CPXM2: variants seen among roughly 807,000 people sequenced by gnomAD.
CPXM2 encodes the protein carboxypeptidase X, M14 family member 2.
CPXM2 carries 66 observed loss-of-function variants against 86.1 expected under a neutral mutation model. That is an observed-to-expected ratio of 0.77 (90% CI 0.63 to 0.94). The LOEUF (loss-of-function observed/expected upper bound fraction) is 0.94. Among genes scored for constraint, CPXM2 ranks in the 40% least tolerant of loss-of-function variants. The pLI, the probability that CPXM2 is intolerant of heterozygous loss-of-function variation, is 0.00. For synonymous variants in CPXM2, 388 were observed against 400.2 expected (o/e 0.97, Z 0.36); for missense variants, 948 against 1,026.3 (o/e 0.92, Z 1.04).
chr10:123,938,511 G>A (rs1945744278), intron 2 of CPXM2, among the ~76,000 whole-genome samples: 1 of 152,160 alleles, frequency 6.6e-6, no homozygotes, highest in Admixed American at 6.5e-5. Context: ...TACTAGGAAG[G>A]GAACAATTTT....
intron 2 of CPXM2, among the ~76,000 whole-genome samples, chr10:123,907,756 C>T (rs983409946): frequency 3.7e-5 from 5 of 134,336 alleles, no homozygotes; most frequent in Non-Finnish European, 8.2e-5. Context: ...AGGGACTGGA[C>T]CCCGCAAGGC....
chr10:123,755,699 C>T (rs906975464), intron 12 of CPXM2, among the ~76,000 whole-genome samples: 5 of 152,184 alleles, frequency 3.3e-5, no homozygotes, highest in South Asian at 2.1e-4. Context: ...TTGTGTCATG[C>T]GATGCACTCA....
At chr10:123,887,095 T>G (rs1444639179) in intron 1 of CPXM2, 3 of 152,162 alleles carry the variant, frequency 2.0e-5, no homozygotes, top group Non-Finnish European at 4.4e-5. Flanking sequence ...TAAATGGAAT[T>G]AGAGAGCAGA....
intron 3 of CPXM2, among the ~76,000 whole-genome samples, chr10:123,847,859 T>C (rs1455555548): frequency 1.3e-5 from 2 of 152,190 alleles, no homozygotes; most frequent in East Asian, 3.9e-4. Flanking sequence ...AATATCAAAA[T>C]CATTCTGCGG....
At chr10:123,749,366 A>T (rs1719346241) in intron 13 of CPXM2, among the ~76,000 whole-genome samples, 2 of 152,194 alleles carry the variant, frequency 1.3e-5, no homozygotes, top group African/African-American at 4.8e-5. Context: ...GGTTATCAGC[A>T]TAACTGGCTC....
intron 10 of CPXM2, 66 bp downstream of exon 10, chr10:123,766,907 G>T: frequency 7.7e-7 from 1 of 1,293,150 alleles, no homozygotes; most frequent in Non-Finnish European, 1.1e-6. Context: ...GCTATCCTCT[G>T]CAAATACCAA....
At chr10:123,893,129 G>A (rs1205350673), upstream of CPXM2, among the ~76,000 whole-genome samples, 1 of 152,228 alleles carries the variant, frequency 6.6e-6, no homozygotes, top group African/African-American at 2.4e-5. Context: ...GCCAGGTTCC[G>A]TAACTATCTC....
At chr10:123,785,089 C>G (rs923710485) in intron 6 of CPXM2, among the ~76,000 whole-genome samples, 3 of 152,120 alleles carry the variant, frequency 2.0e-5, no homozygotes, top group Non-Finnish European at 4.4e-5. Context: ...ATGCTCAGGC[C>G]CACCCCCACC....
chr10:123,900,186 A>G (rs1173142020), intron 2 of CPXM2, among the ~76,000 whole-genome samples: 1 of 152,128 alleles, frequency 6.6e-6, no homozygotes, highest in African/African-American at 2.4e-5. Flanking sequence ...GGATTACAGG[A>G]ACCTGCCACC....
At chr10:123,857,635 T>TGGAGAC (rs1564800664) in intron 3 of CPXM2, among the ~76,000 whole-genome samples, 29 of 90,628 alleles carry the variant, frequency 3.2e-4, no homozygotes, top group Admixed American at 5.0e-4. Flanking sequence ...GGCGTGGAGA[T>TGGAGAC]GGAAGGCGGC....
chr10:123,919,124 T>C (rs1275909296), intron 2 of CPXM2, among the ~76,000 whole-genome samples: 1 of 151,314 alleles, frequency 6.6e-6, no homozygotes, highest in East Asian at 2.0e-4. Context: ...TTTGAGAATT[T>C]AACTGCTGTA....
upstream of CPXM2, among the ~76,000 whole-genome samples, chr10:123,894,959 A>G (rs1564816625): frequency 6.6e-6 from 1 of 151,972 alleles, no homozygotes; most frequent in Non-Finnish European, 1.5e-5. Context: ...ACCCGTTAAC[A>G]ACCTTGCTCC....
At chr10:123,753,127 G>C (rs996867525) in intron 13 of CPXM2, among the ~76,000 whole-genome samples, 3 of 152,120 alleles carry the variant, frequency 2.0e-5, no homozygotes, top group African/African-American at 7.2e-5. Flanking sequence ...CAGGAACCCA[G>C]AGACCCCCCG....
chr10:123,881,051 G>A (rs541275069), intron 1 of CPXM2, among the ~76,000 whole-genome samples: 2 of 151,586 alleles, frequency 1.3e-5, no homozygotes, highest in East Asian at 1.9e-4. Context: ...CCCATTTGGG[G>A]AGCCTCCTTG....
chr10:123,933,791 C>T (rs551757655), intron 2 of CPXM2, among the ~76,000 whole-genome samples: 7 of 152,002 alleles, frequency 4.6e-5, no homozygotes, highest in Admixed American at 1.3e-4. Context: ...TTCCCCACCC[C>T]GGGCAGGCCA....
At chr10:123,748,302 C>T (rs1229153169) in intron 13 of CPXM2, among the ~76,000 whole-genome samples, 2 of 152,142 alleles carry the variant, frequency 1.3e-5, no homozygotes, top group Non-Finnish European at 2.9e-5. Context: ...TGGGTTTGAT[C>T]AAGTACTAAG....
chr10:123,836,837 C>CTGCCCCATT (rs1425507059), intron 4 of CPXM2, among the ~76,000 whole-genome samples: 1 of 152,092 alleles, frequency 6.6e-6, no homozygotes, highest in Non-Finnish European at 1.5e-5. Context: ...CCTCAGGGAC[C>CTGCCCCATT]TGCCCCATTA....
intron 1 of CPXM2, among the ~76,000 whole-genome samples, chr10:123,880,865 T>C (rs1290132873): frequency 1.6e-4 from 23 of 144,740 alleles, no homozygotes; most frequent in South Asian, 2.2e-4. Flanking sequence ...GAAGAATACC[T>C]TTGGGTAGTA....
At chr10:123,826,447 A>T (rs1367638057) in intron 4 of CPXM2, among the ~76,000 whole-genome samples, 1 of 152,196 alleles carries the variant, frequency 6.6e-6, no homozygotes, top group Non-Finnish European at 1.5e-5. Context: ...AGGTACAGGA[A>T]CATTTAACAA....
Sources: allele counts gnomAD v4.1 joint callset (sites outside exome capture counted in the v4.1 genomes callset), GRCh38; gene constraint gnomAD v4.1.1; transcripts MANE v1.5; gene names NCBI Gene and HGNC (gene_info 2026-07-23, HGNC 2026-07-21).